The following CREBBP variants were observed in gnomAD, a reference collection of about 807,000 sequenced individuals.
The protein encoded by CREBBP is CREB binding lysine acetyltransferase.
In CREBBP, 19 loss-of-function variants were observed where a neutral mutation model predicts 265.0. The ratio of observed to expected loss-of-function variants is 0.07; its 90% CI spans 0.05 to 0.11. The LOEUF (loss-of-function observed/expected upper bound fraction) is 0.11. Among genes scored for constraint, CREBBP ranks in the 10% least tolerant of loss-of-function variants. The pLI is 1.00. For missense variants in CREBBP, 2,525 were observed against 3,219.0 expected, an observed-to-expected ratio of 0.78 and a Z score of 5.22; for synonymous variants, 1,457 against 1,223.7, an observed-to-expected ratio of 1.19 and a Z score of -3.98.
chr16:3,877,084 G>A (rs892344455), intron 1 of CREBBP, among the ~76,000 whole-genome samples: 1 of 152,140 alleles, frequency 6.6e-6, no homozygotes, highest in African/African-American at 2.4e-5. Flanking sequence ...AGGCTGCCAA[G>A]GGCTCCTCCT....
At position 3,802,777 on chromosome 16, in the gene CREBBP, G is replaced by C. The variant is rs1486888284; in HGVS notation, c.975+7826C>G. ...GGATCCACACCAGGCTGGGATTCTTGCTGCTCGTCCTCAACCTTCCACATC... is the reference window on the plus strand; with the variant it reads ...GGATCCACACCAGGCTGGGATTCTTCCTGCTCGTCCTCAACCTTCCACATC... On this transcript the variant is annotated intron_variant, in intron 3 of 30. Coordinates refer to ENST00000262367, the MANE Select transcript of CREBBP (RefSeq NM_004380.3). Among the ~76,000 whole-genome samples, 3 of 152,180 alleles carry C rather than the reference G, an allele frequency of 2.0e-5. No individual in the cohort carries two copies. The East Asian group carries it at 5.8e-4, about 29-fold the overall frequency.
rs908091798 is a variant in CREBBP, at chr16:3,808,590, C to T, written c.975+2013G>A. On this transcript the variant is annotated intron_variant, in intron 3 of 30. Transcript: ENST00000262367. ...GCCCTTGACAAGCATACCACATCTG[C>T]CAAGTTCAGCCCTCTGGAGCAGCAG... is the stretch of plus-strand genomic sequence containing the variant. Among the ~76,000 whole-genome samples, 5 of 152,352 alleles carry T rather than the reference C, an allele frequency of 3.3e-5. 1 individual carries two copies. The East Asian group carries it at 7.7e-4, about 24-fold the overall frequency.
At position 3,880,449 on chromosome 16, in the gene CREBBP, T is replaced by TCGC. The variant is rs995923838; in HGVS notation, c.-536_-534dup. The TCGC allele has an allele frequency of 1.7e-4, 20 of 119,544 alleles. No individual in the cohort carries two copies. In the East Asian group the frequency reaches 1.8e-3, roughly 11 times the overall value. 7.4% of individuals were successfully genotyped at this position (119,544 alleles called of 1,614,324 possible). A position where few individuals can be genotyped will look rare whatever the true frequency, so the allele number is the denominator to read the frequency against. ...AGGAAAAACAATGCGCCGAGCGGGG[T>TCGC]CGCCGCCGCCGCCGCGGCCCCCCCA... On this transcript the variant is annotated 5_prime_UTR_variant, in exon 1 of 31. Coordinates refer to ENST00000262367, the MANE Select transcript of CREBBP (RefSeq NM_004380.3).
intron 2 of CREBBP, among the ~76,000 whole-genome samples, chr16:3,825,759 T>G (rs2054224659): frequency 6.6e-6 from 1 of 152,212 alleles, no homozygotes; most frequent in Admixed American, 6.5e-5. Flanking sequence ...GCCACACCAT[T>G]TGAACCTCTT....
At chr16:3,863,274 T>A (rs2055113370) in intron 1 of CREBBP, among the ~76,000 whole-genome samples, 1 of 152,220 alleles carries the variant, frequency 6.6e-6, no homozygotes, top group Non-Finnish European at 1.5e-5. Flanking sequence ...CCTGCTTCGC[T>A]GAATGATTAC....
At chr16:3,789,566 C>T (rs1406956689) in intron 5 of CREBBP, among the ~76,000 whole-genome samples, 7 of 152,154 alleles carry the variant, frequency 4.6e-5, no homozygotes, top group South Asian at 2.1e-4. Flanking sequence ...CTTAAGCCAA[C>T]GTAGGGTCAG....
chr16:3,861,758 CTTTT>C, intron 1 of CREBBP, among the ~76,000 whole-genome samples: 1 of 136,870 alleles, frequency 7.3e-6, no homozygotes, highest in African/African-American at 2.7e-5. Context: ...AGACATCTAA[CTTTT>C]TTTTTTTTTT....
Position 3,850,937 on chromosome 16 carries a change from A to G in CREBBP, c.158T>C (p.Leu53Pro), listed in dbSNP as rs2141496634. Reference sequence around the variant, plus strand: ...TGGAACAAGGTTCCCACTGTTTAAAAGGCCTAATTCTCCTCCATTGGGTAT... The same window carrying G: ...TGGAACAAGGTTCCCACTGTTTAAAGGGCCTAATTCTCCTCCATTGGGTAT... Reference protein sequence around the residue: ...ELIPNGGELGLLNSGNLVPDA... With the variant: ...ELIPNGGELGPLNSGNLVPDA... The change falls in exon 2 of 31, where the codon CTT (leucine) becomes CCT (proline). Residue 53 changes from leucine (L) to proline (P), a missense_variant. Coordinates refer to ENST00000262367, the MANE Select transcript of CREBBP (RefSeq NM_004380.3). 1 of 1,614,216 alleles carries G rather than the reference A, an allele frequency of 6.2e-7. No individual in the cohort carries two copies. Among genetic ancestry groups the G allele is most frequent in the Non-Finnish European group, 8.5e-7 (1 of 1,180,042 alleles).
Position 3,738,673 on chromosome 16 carries a change from C to CTG in CREBBP, c.4281-3_4281-2dup. On this transcript the variant is annotated splice_acceptor_variant, in intron 25 of 30. Transcript: ENST00000262367. LOFTEE classifies it high-confidence loss of function. ...ATCCAGATAAGAAATGTACACACGC[C>CTG]TGTGGGAAGGAGGCACATGTTTAAC... 6.2e-7 allele frequency: 1 copy of CTG among 1,602,888 alleles called. No homozygotes were observed. The highest frequency in any genetic ancestry group is 8.5e-7 in the Non-Finnish European group (1 of 1,170,414).
intron 16 of CREBBP, among the ~76,000 whole-genome samples, chr16:3,761,030 C>T (rs547906110): frequency 1.0e-3 from 158 of 152,234 alleles, no homozygotes; most frequent in African/African-American, 3.6e-3. Flanking sequence ...TCTTGGCTCA[C>T]TGCAATCTCC....
chr16:3,779,465 C>T (rs1281132067), intron 8 of CREBBP, among the ~76,000 whole-genome samples: 2 of 152,208 alleles, frequency 1.3e-5, no homozygotes, highest in African/African-American at 2.4e-5. Flanking sequence ...GGGGCCACTG[C>T]ACCTGGCCTG....
At chr16:3,815,382 A>G (rs2054017457) in intron 2 of CREBBP, among the ~76,000 whole-genome samples, 1 of 151,958 alleles carries the variant, frequency 6.6e-6, no homozygotes, top group Non-Finnish European at 1.5e-5. Context: ...TCTACTAAAA[A>G]TACAAAAATT....
chr16:3,759,807 CCTTA>C (rs1320980901), intron 16 of CREBBP, among the ~76,000 whole-genome samples: 1 of 152,186 alleles, frequency 6.6e-6, no homozygotes, highest in Admixed American at 6.5e-5. Flanking sequence ...CCCTCAGACA[CCTTA>C]CTGCCTACTA....
At chr16:3,769,426 C>T (rs2141193569) in intron 14 of CREBBP, 73 bp from the exon 15 acceptor site, 1 of 1,558,730 alleles carries the variant, frequency 6.4e-7, no homozygotes, top group South Asian at 1.1e-5. Flanking sequence ...GCTGCTCATG[C>T]AACCTACAAT....
rs370126467 is a variant in CREBBP at position 3,850,257 on chromosome 16, G to A, written c.798+40C>T. The A allele has an allele frequency of 4.3e-5, 69 of 1,606,474 alleles. No individual in the cohort carries two copies. The African/African-American group carries it at 8.0e-4, about 19-fold the overall frequency. ...CGCATTACTCGGAGGGAAAGCCCGC[G>A]GTTAGGTAGGAAGTATTGAAAGTGC... On this transcript the variant is annotated intron_variant, in intron 2 of 30. Transcript: ENST00000262367.
At chr16:3,826,371 A>G (rs921419408) in intron 2 of CREBBP, among the ~76,000 whole-genome samples, 4 of 152,210 alleles carry the variant, frequency 2.6e-5, no homozygotes, top group Non-Finnish European at 5.9e-5. Flanking sequence ...AGAAGGTAGA[A>G]TATAAACCCC....
intron 5 of CREBBP, among the ~76,000 whole-genome samples, chr16:3,785,505 C>T (rs909744788): frequency 6.6e-6 from 1 of 152,232 alleles, no homozygotes; most frequent in African/African-American, 2.4e-5. Context: ...GGATTAATGT[C>T]AAATTCGGTT....
intron 19 of CREBBP, 79 bp from the exon 20 acceptor site, chr16:3,751,885 G>A (rs994360820): frequency 7.5e-7 from 1 of 1,333,034 alleles, no homozygotes. Context: ...CCACCAATCA[G>A]AGCAGGGCAG....
intron 2 of CREBBP, among the ~76,000 whole-genome samples, chr16:3,847,194 A>C (rs1419978580): frequency 1.3e-5 from 2 of 152,368 alleles, no homozygotes; most frequent in Middle Eastern, 6.8e-3. Flanking sequence ...TACACTGCCA[A>C]GTAAAACAGT....
Sources: gnomAD v4.1 joint callset for allele counts (sites outside exome capture counted in the v4.1 genomes callset) on GRCh38, gnomAD v4.1.1 for gene constraint, MANE v1.5 for transcripts, NCBI Gene and HGNC (gene_info 2026-07-23, HGNC 2026-07-21) for gene names.